The following LRRC4C variants were observed in gnomAD, a reference collection of about 807,000 sequenced individuals.
LRRC4C encodes the protein leucine rich repeat containing 4C.
Under a neutral mutation model 33.6 loss-of-function variants are expected in LRRC4C, and 5 were observed. The ratio of observed to expected loss-of-function variants is 0.15; its 90% CI spans 0.08 to 0.31. The LOEUF is 0.31. LRRC4C is among the 10% of genes least tolerant of loss of function. The pLI is 1.00. For missense variants in LRRC4C, 560 were observed against 796.7 expected, an observed-to-expected ratio of 0.70 and a Z score of 3.58; for synonymous variants, 329 against 302.0, an observed-to-expected ratio of 1.09 and a Z score of -0.93.
chr11:40,920,310 T>C (rs1230079221), intron 2 of LRRC4C, among the ~76,000 whole-genome samples: 6 of 152,188 alleles, frequency 3.9e-5, no homozygotes, highest in African/African-American at 1.2e-4. Flanking sequence ...CACATCTATA[T>C]TTGTATGCAT....
At chr11:41,395,640 G>T (rs978352039) in intron 1 of LRRC4C, among the ~76,000 whole-genome samples, 1 of 152,030 alleles carries the variant, frequency 6.6e-6, no homozygotes, top group East Asian at 1.9e-4. Context: ...AAAATATCAA[G>T]ATCAAGGAAT....
intron 1 of LRRC4C, among the ~76,000 whole-genome samples, chr11:41,293,574 TTTTTTATTTTATTTTTA>T (rs948753055): frequency 2.0e-5 from 3 of 151,864 alleles, no homozygotes; most frequent in African/African-American, 7.2e-5. Context: ...GTTATTTTAT[TTTTTTATTTTATTTTTA>T]TTTTTATTTT....
At chr11:40,218,681 G>A (rs1864168559) in intron 5 of LRRC4C, among the ~76,000 whole-genome samples, 1 of 120,296 alleles carries the variant, frequency 8.3e-6, no homozygotes, top group Non-Finnish European at 1.9e-5. Flanking sequence ...AATGGCTAAA[G>A]AATGATAAAG....
At chr11:40,682,562 G>C (rs1013952730) in intron 2 of LRRC4C, among the ~76,000 whole-genome samples, 2 of 152,026 alleles carry the variant, frequency 1.3e-5, no homozygotes, top group South Asian at 4.1e-4. Context: ...GATCACCTGA[G>C]ATCAGGAGTT....
At chr11:40,582,619 T>C (rs910350831) in intron 3 of LRRC4C, among the ~76,000 whole-genome samples, 3 of 150,892 alleles carry the variant, frequency 2.0e-5, no homozygotes, top group Non-Finnish European at 4.4e-5. Context: ...CAGGTTCAAG[T>C]GATTCTCCTG....
intron 5 of LRRC4C, among the ~76,000 whole-genome samples, chr11:40,189,444 C>G (rs949863312): frequency 2.6e-5 from 4 of 152,088 alleles, no homozygotes; most frequent in African/African-American, 9.7e-5. Flanking sequence ...TTAGGAAGAC[C>G]TGGGTTCATA....
intron 1 of LRRC4C, among the ~76,000 whole-genome samples, chr11:41,325,578 TG>T (rs143131584): frequency 0.21 from 12,980 of 62,870 alleles, 819 homozygotes; most frequent in Middle Eastern, 0.32. Flanking sequence ...TTTTTTTTTT[TG>T]TGTGTGTGTG....
chr11:40,246,611 A>T (rs1233230461), intron 4 of LRRC4C, among the ~76,000 whole-genome samples: 1 of 152,156 alleles, frequency 6.6e-6, no homozygotes, highest in Non-Finnish European at 1.5e-5. Context: ...AGAGAAGAAG[A>T]TATTAACTAA....
intron 1 of LRRC4C, among the ~76,000 whole-genome samples, chr11:41,147,825 C>T (rs1043165107): frequency 2.0e-4 from 31 of 152,028 alleles, no homozygotes; most frequent in Non-Finnish European, 8.8e-5. Flanking sequence ...TGGCTCGGCT[C>T]GTGTCTGTAA....
At chr11:41,381,329 A>G (rs1953138971) in intron 1 of LRRC4C, among the ~76,000 whole-genome samples, 2 of 152,172 alleles carry the variant, frequency 1.3e-5, no homozygotes, top group Admixed American at 1.3e-4. Context: ...TAGGTTCAAT[A>G]TAGTTAAAGA....
At chr11:40,597,778 T>A (rs1959510763) in intron 3 of LRRC4C, among the ~76,000 whole-genome samples, 1 of 152,172 alleles carries the variant, frequency 6.6e-6, no homozygotes. Context: ...TGACTGCACT[T>A]GAACACGTTG....
At chr11:40,232,601 A>T (rs1865283574) in intron 5 of LRRC4C, among the ~76,000 whole-genome samples, 1 of 152,168 alleles carries the variant, frequency 6.6e-6, no homozygotes, top group Admixed American at 6.5e-5. Context: ...ATTGCTGTAC[A>T]TTTGTTCTTC....
chr11:40,825,702 G>C (rs1952131894), intron 2 of LRRC4C, among the ~76,000 whole-genome samples: 1 of 151,678 alleles, frequency 6.6e-6, no homozygotes, highest in Admixed American at 6.6e-5. Flanking sequence ...GAGTAAAACA[G>C]GGGAGTGTTT....
chr11:40,245,563 A>T (rs1302360877), intron 4 of LRRC4C, among the ~76,000 whole-genome samples: 3 of 152,128 alleles, frequency 2.0e-5, no homozygotes, highest in African/African-American at 7.2e-5. Flanking sequence ...CTAGGACCTT[A>T]CCTGTGATGC....
intron 5 of LRRC4C, among the ~76,000 whole-genome samples, chr11:40,143,380 T>A (rs115949467): frequency 6.6e-6 from 1 of 151,754 alleles, no homozygotes; most frequent in Non-Finnish European, 1.5e-5. Context: ...CCAGTCATAA[T>A]TTTTTTTTCC....
intron 1 of LRRC4C, among the ~76,000 whole-genome samples, chr11:41,230,284 G>C (rs543253267): frequency 4.6e-5 from 7 of 152,160 alleles, no homozygotes; most frequent in African/African-American, 1.7e-4. Flanking sequence ...AGAATGTGTA[G>C]AAGAGAACTC....
chr11:40,450,546 G>A (rs565330807), intron 3 of LRRC4C, among the ~76,000 whole-genome samples: 19 of 152,176 alleles, frequency 1.2e-4, no homozygotes, highest in African/African-American at 4.1e-4. Context: ...TAAGGGAACA[G>A]GCTTTCTGAT....
chr11:40,437,737 A>C (rs11035840), intron 3 of LRRC4C, among the ~76,000 whole-genome samples: 56,983 of 146,928 alleles, frequency 0.39, 11,389 homozygotes, highest in East Asian at 0.54. Context: ...CAGATGGAGT[A>C]TTGCTCTGTT....
chr11:40,853,904 A>T (rs1953637426), intron 2 of LRRC4C, among the ~76,000 whole-genome samples: 2 of 152,194 alleles, frequency 1.3e-5, no homozygotes. Flanking sequence ...TGAAGGACAC[A>T]TTTCACTGAT....
Sources: allele counts gnomAD v4.1 joint callset (sites outside exome capture counted in the v4.1 genomes callset), GRCh38; gene constraint gnomAD v4.1.1; transcripts MANE v1.5; gene names NCBI Gene and HGNC (gene_info 2026-07-23, HGNC 2026-07-21).